The following SMIM31 variants were observed in gnomAD, a reference collection of about 807,000 sequenced individuals.
SMIM31 encodes the protein small integral membrane protein 31.
rs972473579 is a variant in SMIM31, at chr4:164,801,234, A to T, written c.*40A>T. 2 of 398,776 alleles carry T rather than the reference A, an allele frequency of 5.0e-6. No individual in the cohort carries two copies. Among genetic ancestry groups the T allele is most frequent in the African/African-American group, 4.1e-5 (2 of 48,626 alleles). The allele number at this position is 398,776 out of a possible 1,614,324, so 24.7% of individuals were successfully genotyped here. On this transcript the variant is annotated 3_prime_UTR_variant, in exon 3 of 3. Coordinates refer to ENST00000507311, the MANE Select transcript of SMIM31 (RefSeq NM_001352885.1). ...ATATTTCTCGCTAAGAAGACAGAGGAAGCAATCCATGGGAACTACTTATCC... is the reference window on the plus strand; with the variant it reads ...ATATTTCTCGCTAAGAAGACAGAGGTAGCAATCCATGGGAACTACTTATCC...
At chr4:164,786,298 C>G (rs1733024977) in intron 2 of SMIM31, among the ~76,000 whole-genome samples, 1 of 152,072 alleles carries the variant, frequency 6.6e-6, no homozygotes, top group African/African-American at 2.4e-5. Flanking sequence ...ATTTAAACTA[C>G]CCTAGCAGCT....
intron 2 of SMIM31, among the ~76,000 whole-genome samples, chr4:164,774,034 CG>C (rs566753639): frequency 6.6e-6 from 1 of 151,878 alleles, no homozygotes; most frequent in Non-Finnish European, 1.5e-5. Context: ...GGCGTGGTGG[CG>C]GGCCCCTGCA....
chr4:164,783,229 A>AG (rs1732981892), intron 2 of SMIM31, among the ~76,000 whole-genome samples: 1 of 144,304 alleles, frequency 6.9e-6, no homozygotes, highest in Non-Finnish European at 1.5e-5. Context: ...AAAAAAAAAA[A>AG]AAAGGAATTT....
chr4:164,766,397 G>A (rs775926826), intron 1 of SMIM31, among the ~76,000 whole-genome samples: 109 of 152,068 alleles, frequency 7.2e-4, no homozygotes, highest in African/African-American at 2.4e-4. Context: ...GAATACTTAT[G>A]GGAAAATGTA....
At chr4:164,768,656 C>T (rs1732753704) in intron 1 of SMIM31, among the ~76,000 whole-genome samples, 1 of 152,114 alleles carries the variant, frequency 6.6e-6, no homozygotes. Flanking sequence ...AATGAAACAT[C>T]TTTAGAGAGT....
At chr4:164,773,029 TAAA>T (rs56863708) in intron 2 of SMIM31, among the ~76,000 whole-genome samples, 28,979 of 76,922 alleles carry the variant, frequency 0.38, 4,859 homozygotes, top group East Asian at 0.47. Flanking sequence ...CACTTGGCTT[TAAA>T]AAAAAAAAAA....
At chr4:164,782,057 G>A (rs1480057429) in intron 2 of SMIM31, among the ~76,000 whole-genome samples, 1 of 152,080 alleles carries the variant, frequency 6.6e-6, no homozygotes, top group Admixed American at 6.5e-5. Flanking sequence ...TTGGGAGGTT[G>A]AGGCGGGTGG....
At position 164,793,387 on chromosome 4, in the gene SMIM31, C is replaced by T. The variant is rs576875849; in HGVS notation, c.113-7704C>T. On this transcript the variant is annotated intron_variant, in intron 2 of 2. Coordinates refer to ENST00000507311, the MANE Select transcript of SMIM31 (RefSeq NM_001352885.1). ...AAGTTGAAATTATGAAACAAAAAAACTAGATATCCACATACAAAAGAATGA... is the reference window on the plus strand; with the variant it reads ...AAGTTGAAATTATGAAACAAAAAAATTAGATATCCACATACAAAAGAATGA... Among the ~76,000 whole-genome samples the T allele has an allele frequency of 2.9e-4, 44 of 152,258 alleles. 1 individual carries two copies. In the South Asian group the frequency reaches 8.7e-3, roughly 30 times the overall value.
chr4:164,771,570 G>A (rs1303395649), intron 2 of SMIM31, among the ~76,000 whole-genome samples: 4 of 151,976 alleles, frequency 2.6e-5, no homozygotes, highest in African/African-American at 9.7e-5. Flanking sequence ...GGGAGGCCGA[G>A]GCAGGCGGAT....
In SMIM31 at chr4:164,801,339, A is replaced by G. The variant is rs775625889; in HGVS notation, c.*145A>G. On this transcript the variant is annotated 3_prime_UTR_variant, in exon 3 of 3. Coordinates refer to ENST00000507311, the MANE Select transcript of SMIM31 (RefSeq NM_001352885.1). Reference sequence around the variant, plus strand: ...AACACGATGATAATAACCATTAATGAACTCAATACTCGGGAAAGGCTTCAC... The same window carrying G: ...AACACGATGATAATAACCATTAATGGACTCAATACTCGGGAAAGGCTTCAC... 41 of 392,012 alleles carry G rather than the reference A, an allele frequency of 1.0e-4. 1 individual carries two copies. The highest frequency in any genetic ancestry group is 1.7e-4 in the Non-Finnish European group (37 of 222,506). The allele number at this position is 392,012 out of a possible 1,614,324, so 24.3% of individuals were successfully genotyped here. A position where few individuals can be genotyped will look rare whatever the true frequency, so the allele number is the denominator to read the frequency against.
chr4:164,792,395 T>G (rs1733113924), intron 2 of SMIM31, among the ~76,000 whole-genome samples: 1 of 152,200 alleles, frequency 6.6e-6, no homozygotes, highest in East Asian at 1.9e-4. Context: ...GAAACTTAGT[T>G]TGTCTTGATG....
At chr4:164,762,662 C>CAAAAAAAAAAAAAAAAA (rs1162067333) in intron 1 of SMIM31, among the ~76,000 whole-genome samples, 42 of 100,072 alleles carry the variant, frequency 4.2e-4, no homozygotes, top group Non-Finnish European at 5.5e-4. Flanking sequence ...GACTCTGTCT[C>CAAAAAAAAAAAAAAAAA]AAAAAAAAAA....
intron 1 of SMIM31, among the ~76,000 whole-genome samples, chr4:164,766,027 C>T (rs1732716366): frequency 6.6e-6 from 1 of 152,084 alleles, no homozygotes; most frequent in Admixed American, 6.6e-5. Flanking sequence ...AAGGGAGCCG[C>T]GAGAGAATGA....
At chr4:164,764,372 T>C (rs1732691897) in intron 1 of SMIM31, among the ~76,000 whole-genome samples, 1 of 152,022 alleles carries the variant, frequency 6.6e-6, no homozygotes, top group Non-Finnish European at 1.5e-5. Flanking sequence ...ATCAAGACCA[T>C]CCTGGCCAAC....
chr4:164,786,718 A>T (rs115195059), intron 2 of SMIM31, among the ~76,000 whole-genome samples: 4 of 152,300 alleles, frequency 2.6e-5, no homozygotes, highest in African/African-American at 9.6e-5. Flanking sequence ...ATCCAAGCCA[A>T]TGAAGCCGGA....
intron 1 of SMIM31, among the ~76,000 whole-genome samples, chr4:164,759,081 T>C (rs1732612164): frequency 6.6e-6 from 1 of 152,054 alleles, no homozygotes; most frequent in Admixed American, 6.6e-5. Flanking sequence ...TAGTATCCTT[T>C]TATGTACATT....
Position 164,760,568 on chromosome 4 carries a change from T to TAA in SMIM31, c.-26+6170_-26+6171dup, listed in dbSNP as rs557714327. Among the ~76,000 whole-genome samples the TAA allele has an allele frequency of 4.1e-3, 577 of 141,478 alleles. 15 individuals are homozygous for TAA. The highest frequency in any genetic ancestry group is 0.035 in the Admixed American group (493 of 14,166). 92.8% of individuals were successfully genotyped at this position (141,478 alleles called of 152,430 possible). On this transcript the variant is annotated intron_variant, in intron 1 of 2. Transcript: ENST00000507311. ...CAACATGGTGAAACCCCAACTCTAC[T>TAA]AAAAAAAAAAAAAATACAAACATGA... is the stretch of plus-strand genomic sequence containing the variant.
At chr4:164,777,321 T>C (rs2110940765) in intron 2 of SMIM31, among the ~76,000 whole-genome samples, 1 of 152,356 alleles carries the variant, frequency 6.6e-6, no homozygotes, top group South Asian at 2.1e-4. Context: ...TTTCCATTTT[T>C]TGTGTTACCC....
intron 2 of SMIM31, among the ~76,000 whole-genome samples, chr4:164,785,040 G>A (rs13133854): frequency 0.61 from 92,461 of 151,032 alleles, 29,388 homozygotes; most frequent in African/African-American, 0.78. Context: ...CTTGGGCAAC[G>A]TGGCAAAACC....
Sources: gnomAD v4.1 joint callset for allele counts (sites outside exome capture counted in the v4.1 genomes callset) on GRCh38, gnomAD v4.1.1 for gene constraint, MANE v1.5 for transcripts, NCBI Gene and HGNC (gene_info 2026-07-23, HGNC 2026-07-21) for gene names.